ZFP64: variants seen among roughly 807,000 people sequenced by gnomAD.
ZFP64 encodes zinc finger protein 64.
ZFP64 carries 14 observed loss-of-function variants against 51.6 expected under a neutral mutation model. The ratio of observed to expected loss-of-function variants is 0.27; its 90% CI spans 0.18 to 0.42. The LOEUF (loss-of-function observed/expected upper bound fraction) is 0.42, where lower values mean the gene tolerates loss of function less well. ZFP64 is among the 10% of genes least tolerant of loss of function. The pLI is 1.00. For synonymous variants in ZFP64, 375 were observed against 361.4 expected (o/e 1.04, Z -0.43); for missense variants, 754 against 906.8 (o/e 0.83, Z 2.16).
chr20:52,160,513 A>C lies in ZFP64; in HGVS notation c.512-139T>G. 8.6e-7 allele frequency: 1 copy of C among 1,163,450 alleles called. No individual in the cohort carries two copies. The allele number at this position is 1,163,450 out of a possible 1,614,324, so 72.1% of individuals were successfully genotyped here. ...AAAACCCTAAAACACTGGGTGGATG[A>C]TTGGCAAAGAGCTAACATCTTGGGA... On this transcript the variant is annotated intron_variant, in intron 4 of 5. Transcript: ENST00000216923. This position sits in a 1 kb window ranked among gnomAD's most constrained non-coding sequence, Gnocchi z 4.2.
chr20:52,133,721 T>A (rs1979834407), intron 5 of ZFP64, among the ~76,000 whole-genome samples: 1 of 152,086 alleles, frequency 6.6e-6, no homozygotes, highest in African/African-American at 2.4e-5. Flanking sequence ...CCTTGGGTAG[T>A]GGTTTCTGCC....
chr20:52,145,091 T>G (rs1031219184), intron 5 of ZFP64, among the ~76,000 whole-genome samples: 3 of 152,210 alleles, frequency 2.0e-5, no homozygotes, highest in African/African-American at 7.2e-5. Context: ...AGCTTATTTT[T>G]AGAGTTGCAC....
At chr20:52,169,831 A>G (rs1982572335) in intron 2 of ZFP64, among the ~76,000 whole-genome samples, 2 of 152,170 alleles carry the variant, frequency 1.3e-5, no homozygotes, top group Non-Finnish European at 2.9e-5. Flanking sequence ...AGGCAGGCGG[A>G]TCACCCGAGG....
intron 6 of ZFP64, among the ~76,000 whole-genome samples, chr20:52,097,733 T>C (rs916843856): frequency 6.6e-5 from 10 of 152,114 alleles, no homozygotes; most frequent in Non-Finnish European, 1.5e-4. Flanking sequence ...GTGCTGGGAT[T>C]ACAGGTGTGA....
downstream of ZFP64, among the ~76,000 whole-genome samples, chr20:52,149,969 G>A (rs187559292): frequency 3.3e-5 from 5 of 152,266 alleles, no homozygotes; most frequent in Admixed American, 3.3e-4. Context: ...AGCACTTTGG[G>A]AGACCGAGGT....
intron 5 of ZFP64, among the ~76,000 whole-genome samples, chr20:52,124,492 A>G (rs1402541136): frequency 6.6e-6 from 1 of 152,214 alleles, no homozygotes. Context: ...GATAAAGAAA[A>G]ATAGTAACAT....
intron 4 of ZFP64, among the ~76,000 whole-genome samples, chr20:52,161,527 G>T (rs1229541616): frequency 7.1e-6 from 1 of 140,218 alleles, no homozygotes; most frequent in African/African-American, 2.7e-5. Flanking sequence ...CGGTAATTTC[G>T]ATCACCTGTT....
At chr20:52,106,820 G>C (rs1350121862) in intron 5 of ZFP64, among the ~76,000 whole-genome samples, 1 of 152,186 alleles carries the variant, frequency 6.6e-6, no homozygotes, top group Admixed American at 6.5e-5. Flanking sequence ...CACGTGGCCG[G>C]GTGCGGTAGC....
chr20:52,179,426 C>G (rs886774625), intron 2 of ZFP64, among the ~76,000 whole-genome samples: 1 of 152,234 alleles, frequency 6.6e-6, no homozygotes, highest in Non-Finnish European at 1.5e-5. Flanking sequence ...ACATTTAATC[C>G]TCACAGCCAC....
At chr20:52,129,248 A>T (rs879564582) in intron 5 of ZFP64, among the ~76,000 whole-genome samples, 1 of 149,746 alleles carries the variant, frequency 6.7e-6, no homozygotes, top group African/African-American at 2.5e-5. Context: ...CGCCCGGTGA[A>T]TTTTTTTTCT....
At chr20:52,130,211 G>A (rs567147162) in intron 5 of ZFP64, among the ~76,000 whole-genome samples, 6 of 149,476 alleles carry the variant, frequency 4.0e-5, no homozygotes, top group African/African-American at 1.5e-4. Context: ...CTACAATTGT[G>A]TTTTGTTTGT....
At chr20:52,121,833 G>T (rs188299991) in intron 5 of ZFP64, among the ~76,000 whole-genome samples, 4 of 152,338 alleles carry the variant, frequency 2.6e-5, no homozygotes, top group Admixed American at 6.5e-5. Context: ...AGTTTCAAAG[G>T]ACAGGCTGAT....
At chr20:52,164,813 G>C (rs1358064846) in intron 3 of ZFP64, 56 bp from the exon 4 acceptor site, 1 of 1,435,612 alleles carries the variant, frequency 7.0e-7, no homozygotes, top group South Asian at 1.2e-5. Context: ...CTTTTAGCAT[G>C]GAGAAAACTG....
chr20:52,105,225 T>C, intron 5 of ZFP64: 1 of 1,351,822 alleles, frequency 7.4e-7, no homozygotes, highest in Non-Finnish European at 9.5e-7. Context: ...TTGGCCTGCT[T>C]GCGCCGCGAC....
At chr20:52,147,894 G>A (rs896096617), downstream of ZFP64, among the ~76,000 whole-genome samples, 3 of 151,952 alleles carry the variant, frequency 2.0e-5, no homozygotes, top group South Asian at 2.1e-4. Context: ...GGTGGCAGGC[G>A]CCTGTAATCC....
At chr20:52,172,625 C>T (rs865846157) in intron 2 of ZFP64, among the ~76,000 whole-genome samples, 2 of 151,992 alleles carry the variant, frequency 1.3e-5, no homozygotes, top group African/African-American at 2.4e-5. Context: ...CCAGTAGAGG[C>T]GTGACTTGCC....
exon 9 of ZFP64, chr20:52,084,012 A>G (rs1350073044): frequency 6.6e-6 from 1 of 152,510 alleles, no homozygotes; most frequent in Admixed American, 6.5e-5. Context: ...ACATCATGCT[A>G]CCATGAGTCT....
chr20:52,134,931 C>T (rs765635958), intron 5 of ZFP64, among the ~76,000 whole-genome samples: 1 of 152,058 alleles, frequency 6.6e-6, no homozygotes, highest in African/African-American at 2.4e-5. Context: ...GGCACAATCT[C>T]GGCTCACTGC....
downstream of ZFP64, among the ~76,000 whole-genome samples, chr20:52,150,626 T>G (rs1980746289): frequency 1.3e-5 from 2 of 152,152 alleles, no homozygotes; most frequent in Non-Finnish European, 2.9e-5. Flanking sequence ...TAGCAAGTCA[T>G]CAAAATTGTG....
Sources: allele counts gnomAD v4.1 joint callset (sites outside exome capture counted in the v4.1 genomes callset), GRCh38; gene constraint gnomAD v4.1.1; non-coding constraint Gnocchi (gnomAD v3.1); transcripts MANE v1.5; gene names NCBI Gene and HGNC (gene_info 2026-07-23, HGNC 2026-07-21).